Variants in APMAP observed in about 807,000 individuals in gnomAD.
APMAP encodes the protein adipocyte plasma membrane-associated protein.
A neutral mutation model predicts 43.6 loss-of-function variants in APMAP; 33 were observed. The observed-to-expected ratio is 0.76, with a 90% CI of 0.57 to 1.01. The LOEUF is 1.01. APMAP is among the 50% of genes least tolerant of loss of function. APMAP has a pLI of 0.00. For synonymous variants in APMAP, 224 were observed against 216.7 expected, an observed-to-expected ratio of 1.03 and a Z score of -0.30; for missense variants, 498 against 540.7, an observed-to-expected ratio of 0.92 and a Z score of 0.78.
At chr20:24,990,407 T>C (rs1455731216) in intron 1 of APMAP, among the ~76,000 whole-genome samples, 1 of 152,180 alleles carries the variant, frequency 6.6e-6, no homozygotes, top group African/African-American at 2.4e-5. Context: ...CTCACACACA[T>C]AGACCTCAAT....
chr20:24,985,984 G>C (rs1427034619), intron 1 of APMAP, among the ~76,000 whole-genome samples: 1 of 152,170 alleles, frequency 6.6e-6, no homozygotes, highest in Non-Finnish European at 1.5e-5. Flanking sequence ...GCTGAATCGC[G>C]TCCTGCAGTT....
intron 2 of APMAP, among the ~76,000 whole-genome samples, chr20:24,981,250 CTA>C: frequency 6.6e-6 from 1 of 152,290 alleles, no homozygotes; most frequent in South Asian, 2.1e-4. Flanking sequence ...ATCCTGATTC[CTA>C]TAGCATGTAC....
At chr20:24,969,799 C>T (rs946802034) in intron 6 of APMAP, 139 bp from the exon 7 acceptor site, 3 of 1,213,372 alleles carry the variant, frequency 2.5e-6, no homozygotes, top group African/African-American at 1.5e-5. Context: ...AAACTTGATT[C>T]GAGGCTGGCC....
chr20:24,963,684 C>T lies in APMAP; in HGVS notation c.*129G>A. 1.0e-6 allele frequency: 1 copy of T among 987,180 alleles called. No individual in the cohort carries two copies. The highest frequency in any genetic ancestry group is 1.5e-6 in the Non-Finnish European group (1 of 654,954). 61.2% of individuals were successfully genotyped at this position (987,180 alleles called of 1,614,324 possible). A position where few individuals can be genotyped will look rare whatever the true frequency, so the allele number is the denominator to read the frequency against. On this transcript the variant is annotated 3_prime_UTR_variant, in exon 9 of 9. Transcript: ENST00000217456. Reference sequence around the variant, plus strand: ...GGAATGAAGCAGCCATTCCCACCACCTCTCAGGGACTAACAGGTGCATGTG... The same window carrying T: ...GGAATGAAGCAGCCATTCCCACCACTTCTCAGGGACTAACAGGTGCATGTG...
rs537070868 is a variant in APMAP at position 24,963,954 on chromosome 20, G to A, written c.1110C>T (p.Ser370=). ...CATGCAGGCTTCTCCGGAAGGCACC[G>A]CTGTCGCTGAGTTCTAGGACGAGGC... ...RYSLVLELSD[S]GAFRRSLHDP... is the part of the protein sequence containing the mutation. Residue 370 remains serine, a synonymous_variant, in exon 9 of 9, where the codon AGC becomes AGT. Transcript: ENST00000217456. 4.5e-5 allele frequency: 73 copies of A among 1,614,232 alleles called. No individual in the cohort carries two copies. Among genetic ancestry groups the A allele is most frequent in the Middle Eastern group, 1.6e-4 (1 of 6,062 alleles).
At position 24,963,863 on chromosome 20, in the gene APMAP, C is replaced by A; in HGVS notation, c.1201G>T (p.Gly401Cys). The change falls in exon 9 of 9, where the codon GGC becomes TGC. Residue 401 changes from glycine to cysteine, a missense_variant. Transcript: ENST00000217456. The part of the protein sequence containing the change: ...VHEHDGHLYL[G>C]SFRSPFLCRL... ...CAGAGGAAGGGGGACCTGAAAGAGC[C>A]CAGGTACAGGTGCCCATCGTGTTCG... 6.2e-7 allele frequency: 1 copy of A among 1,614,174 alleles called. No homozygotes were observed. Among genetic ancestry groups the A allele is most frequent in the Non-Finnish European group, 8.5e-7 (1 of 1,180,022 alleles).
Position 24,983,907 on chromosome 20 carries a change from G to T in APMAP, c.208C>A (p.Leu70Ile), listed in dbSNP as rs546068480. 7 of 1,605,504 alleles carry T rather than the reference G, an allele frequency of 4.4e-6. No homozygotes were observed. In the Admixed American group the frequency reaches 1.2e-4, roughly 27 times the overall value. ...LLESPIDPQP[L>I]SFKEPPLLLG... is the part of the protein sequence containing the mutation. ...GAGGACTGCGGGGCAGCCTACCTGA[G>T]AGGCTGTGGATCTATAGGAGATTCC... Residue 70 changes from leucine to isoleucine, a missense_variant, in exon 2 of 9, where the codon CTC (leucine) becomes ATC (isoleucine). Leu to Ile is a conservative substitution (Grantham distance 5). Coordinates refer to ENST00000217456, the MANE Select transcript of APMAP (RefSeq NM_020531.3).
At chr20:24,984,251 G>A (rs538757012) in intron 1 of APMAP, among the ~76,000 whole-genome samples, 4 of 152,248 alleles carry the variant, frequency 2.6e-5, no homozygotes, top group South Asian at 2.1e-4. Context: ...TGTGGGATAC[G>A]TTGGATCAGT....
chr20:24,988,655 G>A (rs895996125), intron 1 of APMAP, among the ~76,000 whole-genome samples: 2 of 152,256 alleles, frequency 1.3e-5, no homozygotes, highest in Middle Eastern at 3.4e-3. Flanking sequence ...GTAGGTACAG[G>A]GTGGGCCTGC....
intron 4 of APMAP, among the ~76,000 whole-genome samples, chr20:24,973,053 T>C (rs2088019314): frequency 6.6e-6 from 1 of 152,230 alleles, no homozygotes; most frequent in South Asian, 2.1e-4. Context: ...TCAGGTGATT[T>C]TTATTTTCTC....
intron 1 of APMAP, among the ~76,000 whole-genome samples, chr20:24,985,393 C>T (rs867226014): frequency 6.6e-5 from 10 of 152,208 alleles, no homozygotes; most frequent in African/African-American, 2.2e-4. Context: ...GACAGCACCT[C>T]TGCAGAGTGG....
intron 2 of APMAP, among the ~76,000 whole-genome samples, chr20:24,982,076 G>A (rs1313914140): frequency 6.6e-6 from 1 of 152,240 alleles, no homozygotes; most frequent in Non-Finnish European, 1.5e-5. Flanking sequence ...CAAAAGCAGA[G>A]CCCAGGAGAG....
Position 24,968,947 on chromosome 20 carries a change from A to C in APMAP, c.986T>G (p.Phe329Cys). The change falls in exon 8 of 9, where the codon TTT (phenylalanine) becomes TGT (cysteine). Residue 329 changes from phenylalanine to cysteine, a missense_variant. Phe to Cys is a radical substitution (Grantham distance 205). Coordinates refer to ENST00000217456, the MANE Select transcript of APMAP (RefSeq NM_020531.3). ...CTCAGATAAGAAATCCAGCATGGAA[A>C]ACCCAGGGTTAGGGCGGATGGTCGA... ...GMSTIRPNPG[F>C]SMLDFLSERP... The C allele has an allele frequency of 6.2e-7, 1 of 1,612,660 alleles. No individual in the cohort carries two copies. The highest frequency in any genetic ancestry group is 2.2e-5 in the East Asian group (1 of 44,852).
At chr20:24,967,399 C>T (rs571384668) in intron 8 of APMAP, among the ~76,000 whole-genome samples, 65 of 152,356 alleles carry the variant, frequency 4.3e-4, no homozygotes, top group African/African-American at 1.5e-3. Flanking sequence ...CTCACCCCTC[C>T]TCACCCAGCT....
chr20:24,966,587 C>A (rs1304246804), intron 8 of APMAP, among the ~76,000 whole-genome samples: 3 of 152,290 alleles, frequency 2.0e-5, no homozygotes, highest in East Asian at 1.9e-4. Context: ...GAAAAACAAA[C>A]CCTACTGGAG....
chr20:24,976,111 T>C (rs369196549), intron 3 of APMAP, among the ~76,000 whole-genome samples: 3 of 152,340 alleles, frequency 2.0e-5, no homozygotes, highest in African/African-American at 7.2e-5. Flanking sequence ...GGTATGATGA[T>C]GAATTTTTAG....
chr20:24,964,453 C>A (rs1321307792), intron 8 of APMAP: 2 of 472,280 alleles, frequency 4.2e-6, no homozygotes, highest in Admixed American at 2.3e-5. Context: ...AGGCAAGGTG[C>A]AAATGATGGA....
intron 8 of APMAP, among the ~76,000 whole-genome samples, chr20:24,964,963 T>G (rs2087930875): frequency 6.6e-6 from 1 of 152,186 alleles, no homozygotes; most frequent in South Asian, 2.1e-4. Context: ...CATCTCCTGC[T>G]GTTCGGCCGT....
intron 5 of APMAP, 149 bp downstream of exon 5, chr20:24,971,311 C>A: frequency 3.0e-6 from 2 of 673,402 alleles, no homozygotes; most frequent in Non-Finnish European, 4.7e-6. Context: ...CTGACTTTTG[C>A]AGGCAATGTT....
Sources: gnomAD v4.1 joint callset for allele counts (sites outside exome capture counted in the v4.1 genomes callset) on GRCh38, gnomAD v4.1.1 for gene constraint, MANE v1.5 for transcripts, NCBI Gene and HGNC (gene_info 2026-07-23, HGNC 2026-07-21) for gene names.